Variants in WWOX observed in about 807,000 individuals in gnomAD.
WWOX encodes WW domain containing oxidoreductase.
A neutral mutation model predicts 46.2 loss-of-function variants in WWOX; 69 were observed. The ratio of observed to expected loss-of-function variants is 1.49; its 90% CI spans 1.23 to 1.82. The LOEUF (loss-of-function observed/expected upper bound fraction) is 1.82. WWOX is among the 40% of genes most tolerant of loss of function. The pLI is 0.00. For missense variants in WWOX, 919 were observed against 542.6 expected (o/e 1.69, Z -6.89); for synonymous variants, 359 against 202.6 (o/e 1.77, Z -6.56).
Position 79,098,549 on chromosome 16 carries a change from A to G in WWOX, c.1057-113059A>G, listed in dbSNP as rs8049467. The stretch of plus-strand genomic sequence containing the variant: ...ATTTCAATGGATTTCTCCAAAAGCA[A>G]TTATCACAGTGTTCCTGTGTGTTGA... On this transcript the variant is annotated intron_variant, in intron 8 of 8. Transcript: ENST00000566780. Among the ~76,000 whole-genome samples the G allele has an allele frequency of 3.6e-3, 548 of 152,236 alleles. 3 individuals carry two copies. Among genetic ancestry groups the G allele is most frequent in the African/African-American group, 0.012 (505 of 41,530 alleles).
intron 8 of WWOX, among the ~76,000 whole-genome samples, chr16:78,532,172 C>A (rs2043639088): frequency 6.6e-6 from 1 of 151,850 alleles, no homozygotes; most frequent in Non-Finnish European, 1.5e-5. Context: ...CTGCCTTTCC[C>A]TTTCTGTTAT....
chr16:78,847,179 A>G (rs1352272989), intron 8 of WWOX, among the ~76,000 whole-genome samples: 1 of 152,210 alleles, frequency 6.6e-6, no homozygotes, highest in Non-Finnish European at 1.5e-5. Context: ...TTATAGAATC[A>G]TATTTAGAAC....
intron 8 of WWOX, among the ~76,000 whole-genome samples, chr16:78,756,499 A>G (rs74029970): frequency 0.02 from 3,104 of 152,264 alleles, 104 homozygotes; most frequent in African/African-American, 0.071. Flanking sequence ...GAGGAGATGG[A>G]CTTTAGCCAG....
At chr16:78,926,820 G>C (rs1000482962) in intron 8 of WWOX, among the ~76,000 whole-genome samples, 2 of 151,976 alleles carry the variant, frequency 1.3e-5, no homozygotes, top group Non-Finnish European at 2.9e-5. Context: ...TTTTTGAGAA[G>C]GGGTCTCACT....
chr16:79,059,208 A>G (rs1019486171), intron 8 of WWOX, among the ~76,000 whole-genome samples: 1 of 152,240 alleles, frequency 6.6e-6, no homozygotes, highest in Non-Finnish European at 1.5e-5. Flanking sequence ...CTAAAACTCC[A>G]TGAATATGCT....
At chr16:78,156,840 C>T (rs1408465795) in intron 4 of WWOX, among the ~76,000 whole-genome samples, 5 of 152,164 alleles carry the variant, frequency 3.3e-5, no homozygotes, top group Admixed American at 2.0e-4. Flanking sequence ...ACGAGAATCG[C>T]TTGAATCCCT....
chr16:78,714,102 C>T (rs555390201), intron 8 of WWOX, among the ~76,000 whole-genome samples: 2 of 152,138 alleles, frequency 1.3e-5, no homozygotes, highest in East Asian at 1.9e-4. Flanking sequence ...TGTGAAGCCC[C>T]TTCTAGAATA....
chr16:78,971,473 A>AGGG (rs1252595168), intron 8 of WWOX, among the ~76,000 whole-genome samples: 1 of 136,700 alleles, frequency 7.3e-6, no homozygotes, highest in African/African-American at 2.8e-5. Context: ...AAAAAAAAAA[A>AGGG]AGAGAGAGAT....
intron 8 of WWOX, among the ~76,000 whole-genome samples, chr16:79,009,957 C>T (rs999632310): frequency 6.6e-6 from 1 of 152,152 alleles, no homozygotes; most frequent in Non-Finnish European, 1.5e-5. Context: ...TGACCTTGGG[C>T]AAGTCATTGA....
chr16:78,169,445 C>G (rs997621463), intron 5 of WWOX, among the ~76,000 whole-genome samples: 11 of 140,848 alleles, frequency 7.8e-5, no homozygotes, highest in Non-Finnish European at 1.7e-4. Context: ...GCATATCCCA[C>G]TCCCTGTCTT....
intron 8 of WWOX, among the ~76,000 whole-genome samples, chr16:78,649,542 G>A (rs1249816338): frequency 6.6e-6 from 1 of 152,176 alleles, no homozygotes; most frequent in East Asian, 1.9e-4. Flanking sequence ...CTCCCAAAGT[G>A]CTGGGATTAC....
chr16:78,245,162 T>C (rs868406225), intron 5 of WWOX, among the ~76,000 whole-genome samples: 5 of 152,320 alleles, frequency 3.3e-5, no homozygotes, highest in South Asian at 4.1e-4. Flanking sequence ...ATAGTTTCTT[T>C]TCTCTCTTAA....
chr16:78,151,174 G>T (rs186002219), intron 4 of WWOX, among the ~76,000 whole-genome samples: 91 of 152,082 alleles, frequency 6.0e-4, no homozygotes, highest in Admixed American at 8.5e-4. Context: ...CCCATGCCTG[G>T]CCAATTTCAA....
At chr16:79,144,245 T>C (rs1161226984) in intron 8 of WWOX, among the ~76,000 whole-genome samples, 1 of 152,130 alleles carries the variant, frequency 6.6e-6, no homozygotes, top group Non-Finnish European at 1.5e-5. Flanking sequence ...TCATCCCAGC[T>C]CTCCAATCCC....
chr16:79,063,544 G>T (rs2048390952), intron 8 of WWOX, among the ~76,000 whole-genome samples: 1 of 152,206 alleles, frequency 6.6e-6, no homozygotes, highest in South Asian at 2.1e-4. Flanking sequence ...CCCTTTCAGG[G>T]ATATCTGGAA....
At chr16:79,000,642 C>G (rs374870151) in intron 8 of WWOX, among the ~76,000 whole-genome samples, 1 of 152,292 alleles carries the variant, frequency 6.6e-6, no homozygotes, top group African/African-American at 2.4e-5. Flanking sequence ...CAGAAAGGCA[C>G]GAAGCCCTGC....
chr16:78,951,157 G>A (rs2046051916), intron 8 of WWOX, among the ~76,000 whole-genome samples: 1 of 152,208 alleles, frequency 6.6e-6, no homozygotes, highest in African/African-American at 2.4e-5. Flanking sequence ...CAACTGGGAA[G>A]CCTAAGGGTG....
In WWOX at chr16:79,111,193, C is replaced by T. The variant is rs144680663; in HGVS notation, c.1057-100415C>T. 2.6e-5 allele frequency among the ~76,000 whole-genome samples: 4 copies of T among 152,298 alleles called. No homozygotes were observed. In the East Asian group the frequency reaches 5.8e-4, roughly 22 times the overall value. ...AGGGGAGGAGTAAGTATCTCTTATT[C>T]GTGCATCTTTATGGTATGACCAAGG... On this transcript the variant is annotated intron_variant, in intron 8 of 8. Transcript: ENST00000566780.
At chr16:79,167,681 C>T (rs913076809) in intron 8 of WWOX, among the ~76,000 whole-genome samples, 1 of 152,232 alleles carries the variant, frequency 6.6e-6, no homozygotes, top group Admixed American at 6.5e-5. Flanking sequence ...ATTCAGGCCA[C>T]AATGACTTCA....
Sources: gnomAD v4.1 joint callset for allele counts (sites outside exome capture counted in the v4.1 genomes callset) on GRCh38, gnomAD v4.1.1 for gene constraint, MANE v1.5 for transcripts, NCBI Gene and HGNC (gene_info 2026-07-23, HGNC 2026-07-21) for gene names.